Variants in BAHCC1 observed in about 807,000 individuals in gnomAD.
BAHCC1 encodes BAH domain and coiled-coil containing 1, also known as BAH and coiled-coil domain-containing protein 1.
A neutral mutation model predicts 88.2 loss-of-function variants in BAHCC1; 43 were observed. That is an observed-to-expected ratio of 0.49 (90% confidence interval 0.38 to 0.63). The LOEUF is 0.63. BAHCC1 is among the 20% of genes least tolerant of loss of function. BAHCC1 has a pLI of 0.00. For synonymous variants in BAHCC1, 1,510 were observed against 745.5 expected, an observed-to-expected ratio of 2.03 and a Z score of -16.71; for missense variants, 3,023 against 1,654.8, an observed-to-expected ratio of 1.83 and a Z score of -14.34.
chr17:81,465,684 G>A lies in BAHCC1; in HGVS notation c.*1867G>A, dbSNP rs894417973. Reference sequence around the variant, plus strand: ...GTCCCCTTGGCCCCCTATTTTTCTCGGGCCCATTGGGGCCTGTTTCTCACC... The same window carrying A: ...GTCCCCTTGGCCCCCTATTTTTCTCAGGCCCATTGGGGCCTGTTTCTCACC... On this transcript the variant is annotated 3_prime_UTR_variant, in exon 28 of 28. Coordinates refer to ENST00000675386, the MANE Select transcript of BAHCC1 (RefSeq NM_001377448.1). 3 of 152,244 alleles carry A rather than the reference G, an allele frequency of 2.0e-5. No homozygotes were observed. Among genetic ancestry groups the A allele is most frequent in the East Asian group, 1.9e-4 (1 of 5,194 alleles). 9.4% of individuals were successfully genotyped at this position (152,244 alleles called of 1,614,324 possible).
At position 81,460,600 on chromosome 17, in the gene BAHCC1, A is replaced by G. The variant is rs781843595; in HGVS notation, c.6096A>G (p.Ala2032=). Reference sequence around the variant, plus strand: ...GGACCAAGAAGGTATCCAGTGAGGCACCCCCGCCTAGTGAAGCCGCCACCC... The same window carrying G: ...GGACCAAGAAGGTATCCAGTGAGGCGCCCCCGCCTAGTGAAGCCGCCACCC... ...CRRTKKVSSE[A]PPPSEAATPS... The change falls in exon 25 of 28, where the codon GCA becomes GCG. Residue 2032 remains alanine (A), a synonymous_variant. Transcript: ENST00000675386. 1.3e-6 allele frequency: 1 copy of G among 764,884 alleles called. No individual in the cohort carries two copies. The highest frequency in any genetic ancestry group is 1.8e-5 in the Admixed American group (1 of 57,024). 47.4% of individuals were successfully genotyped at this position (764,884 alleles called of 1,614,324 possible). A position where few individuals can be genotyped will look rare whatever the true frequency, so the allele number is the denominator to read the frequency against.
rs2063945843 is a variant in BAHCC1, at chr17:81,411,200, C to T, written c.178+11283C>T. 3.9e-6 allele frequency: 2 copies of T among 517,566 alleles called. No homozygotes were observed. The highest frequency in any genetic ancestry group is 2.8e-5 in the South Asian group (2 of 71,486). 32.1% of individuals were successfully genotyped at this position (517,566 alleles called of 1,614,324 possible). A position where few individuals can be genotyped will look rare whatever the true frequency, so the allele number is the denominator to read the frequency against. ...CCAGGCTGAGGCCGAGGGTCTGCGC[C>T]ACCTGGGCATGCCCAGTGGGGCCCC... On this transcript the variant is annotated intron_variant, in intron 2 of 27. Coordinates refer to ENST00000675386, the MANE Select transcript of BAHCC1 (RefSeq NM_001377448.1). This position sits in a 1 kb window ranked among gnomAD's most constrained non-coding sequence, Gnocchi z 6.2.
chr17:81,426,312 A>T (rs2064197608), intron 2 of BAHCC1, among the ~76,000 whole-genome samples: 1 of 115,396 alleles, frequency 8.7e-6, no homozygotes, highest in Non-Finnish European at 1.8e-5. Flanking sequence ...TGGGGGTGAT[A>T]GTGGTGGGTG....
intron 2 of BAHCC1, chr17:81,422,967 T>G (rs2064132761): frequency 3.5e-6 from 1 of 283,838 alleles, no homozygotes; most frequent in Non-Finnish European, 6.9e-6. Flanking sequence ...AGCCAGCACT[T>G]CCCTTCCCAA....
At chr17:81,413,143 C>T (rs895580266) in intron 2 of BAHCC1, 6 of 444,730 alleles carry the variant, frequency 1.3e-5, no homozygotes, top group East Asian at 1.6e-4. Flanking sequence ...AGCAGCCATA[C>T]GCTCCCCAAC....
chr17:81,438,757 CTGG>C (rs1187196587), intron 4 of BAHCC1, among the ~76,000 whole-genome samples: 1 of 152,200 alleles, frequency 6.6e-6, no homozygotes, highest in Non-Finnish European at 1.5e-5. Flanking sequence ...AGCAGCTGAG[CTGG>C]TGCCCACCTT....
chr17:81,459,991 T>G (rs926316319), intron 23 of BAHCC1, among the ~76,000 whole-genome samples: 1 of 152,028 alleles, frequency 6.6e-6, no homozygotes, highest in Non-Finnish European at 1.5e-5. Context: ...GGGAGGCGCC[T>G]CCAGGCGGGA....
Position 81,459,348 on chromosome 17 carries a change from GC to G in BAHCC1, c.5796+24del. 1 of 774,142 alleles carries G rather than the reference GC, an allele frequency of 1.3e-6. No homozygotes were observed. The allele number at this position is 774,142 out of a possible 1,614,324, so 48.0% of individuals were successfully genotyped here. A position where few individuals can be genotyped will look rare whatever the true frequency, so the allele number is the denominator to read the frequency against. On this transcript the variant is annotated intron_variant, in intron 22 of 27. Coordinates refer to ENST00000675386, the MANE Select transcript of BAHCC1 (RefSeq NM_001377448.1). ...GAAGCGGTGAGGACCGGGCCGGCCCGCCCCGGGGAGGGGCCTGGCTGGCTTG... is the reference window on the plus strand; with the variant it reads ...GAAGCGGTGAGGACCGGGCCGGCCCGCCCGGGGAGGGGCCTGGCTGGCTTG...
intron 3 of BAHCC1, among the ~76,000 whole-genome samples, chr17:81,433,133 G>C (rs74002269): frequency 0.039 from 5,970 of 151,564 alleles, 360 homozygotes; most frequent in African/African-American, 0.13. Flanking sequence ...GCCTGTGGAT[G>C]GGGAAGAGGC....
In BAHCC1 at chr17:81,434,037, G is replaced by A. The variant is rs2064303586; in HGVS notation, c.359-4333G>A. ...GGGACGATGTGCAGAACCTCAAGAGGAGCAGGGACCACTTGCCAGGCCAGG... is the reference window on the plus strand; with the variant it reads ...GGGACGATGTGCAGAACCTCAAGAGAAGCAGGGACCACTTGCCAGGCCAGG... On this transcript the variant is annotated intron_variant, in intron 3 of 27. Transcript: ENST00000675386. The surrounding 1 kb of genome is among the most constrained non-coding windows in gnomAD (Gnocchi z 4.9). Among the ~76,000 whole-genome samples, 1 of 152,212 alleles carries A rather than the reference G, an allele frequency of 6.6e-6. No homozygotes were observed. The highest frequency in any genetic ancestry group is 1.5e-5 in the Non-Finnish European group (1 of 68,026).
chr17:81,411,514 G>T lies in BAHCC1; in HGVS notation c.178+11597G>T, dbSNP rs143324023. 575 of 185,600 alleles carry T rather than the reference G, an allele frequency of 3.1e-3. No individual in the cohort carries two copies. Among genetic ancestry groups the T allele is most frequent in the African/African-American group, 7.4e-3 (141 of 19,182 alleles). 11.5% of individuals were successfully genotyped at this position (185,600 alleles called of 1,614,324 possible). A position where few individuals can be genotyped will look rare whatever the true frequency, so the allele number is the denominator to read the frequency against. The stretch of plus-strand genomic sequence containing the variant: ...TGCCTGCCTGCCTGCCTGCCTGCCT[G>T]CCTTCCTTCCTTCCTTCCTTCCTTC... On this transcript the variant is annotated intron_variant, in intron 2 of 27. Coordinates refer to ENST00000675386, the MANE Select transcript of BAHCC1 (RefSeq NM_001377448.1). This position sits in a 1 kb window ranked among gnomAD's most constrained non-coding sequence, Gnocchi z 6.2.
At chr17:81,412,126 G>A (rs2063962332) in intron 2 of BAHCC1, among the ~76,000 whole-genome samples, 2 of 152,234 alleles carry the variant, frequency 1.3e-5, no homozygotes, top group South Asian at 2.1e-4. Flanking sequence ...CCAGCTCTGT[G>A]GTCCCCCAGG....
At chr17:81,457,286 G>A (rs1555657546) in intron 16 of BAHCC1, 124 bp from the exon 17 acceptor site, 1 of 644,424 alleles carries the variant, frequency 1.6e-6, no homozygotes, top group African/African-American at 1.8e-5. Flanking sequence ...GCGGCCCAGA[G>A]GGTGACGGTG....
chr17:81,417,712 G>C (rs1555648981), intron 2 of BAHCC1, among the ~76,000 whole-genome samples: 1 of 152,200 alleles, frequency 6.6e-6, no homozygotes, highest in Non-Finnish European at 1.5e-5. Flanking sequence ...GATTGGGTTG[G>C]GTACACAGCA....
At position 81,426,924 on chromosome 17, in the gene BAHCC1, C is replaced by T. The variant is rs969061996; in HGVS notation, c.303C>T (p.Ala101=). ...CCAGCTCCTCCCCCCCTGAGCAGGC[C>T]TACCGTGGCTCCCACCCCACCACCT... The part of the protein sequence containing the change: ...SGPSSSPPEQ[A]YRGSHPTTSQ... Residue 101 remains alanine (A), a synonymous_variant, in exon 3 of 28, where the codon GCC becomes GCT. Transcript: ENST00000675386. The T allele has an allele frequency of 5.0e-6, 2 of 398,808 alleles. No individual in the cohort carries two copies. Among genetic ancestry groups the T allele is most frequent in the Non-Finnish European group, 4.4e-6 (1 of 226,200 alleles). The allele number at this position is 398,808 out of a possible 1,614,324, so 24.7% of individuals were successfully genotyped here.
In BAHCC1 at chr17:81,465,241, C is replaced by T. The variant is rs1568042929; in HGVS notation, c.*1424C>T. The T allele has an allele frequency of 2.0e-5, 3 of 152,308 alleles. No individual in the cohort carries two copies. Among genetic ancestry groups the T allele is most frequent in the African/African-American group, 7.2e-5 (3 of 41,448 alleles). The allele number at this position is 152,308 out of a possible 1,614,324, so 9.4% of individuals were successfully genotyped here. A position where few individuals can be genotyped will look rare whatever the true frequency, so the allele number is the denominator to read the frequency against. On this transcript the variant is annotated 3_prime_UTR_variant, in exon 28 of 28. Transcript: ENST00000675386. ...CGGACCCCTCTGCCTGCCCCAACCCCTTTGGAGGTTTCTCGGCCTTTTCTG... is the reference window on the plus strand; with the variant it reads ...CGGACCCCTCTGCCTGCCCCAACCCTTTTGGAGGTTTCTCGGCCTTTTCTG...
intron 14 of BAHCC1, among the ~76,000 whole-genome samples, chr17:81,454,646 C>T (rs2064712014): frequency 6.6e-6 from 1 of 151,754 alleles, no homozygotes; most frequent in African/African-American, 2.4e-5. Context: ...TCTCACAAAC[C>T]TGCCCGGTGC....
rs1555651485 is a variant in BAHCC1, at chr17:81,434,814, G to A, written c.359-3556G>A. On this transcript the variant is annotated intron_variant, in intron 3 of 27. Coordinates refer to ENST00000675386, the MANE Select transcript of BAHCC1 (RefSeq NM_001377448.1). This position sits in a 1 kb window ranked among gnomAD's most constrained non-coding sequence, Gnocchi z 4.9. Reference sequence around the variant, plus strand: ...AAGGCGCAGGGCTGGCCTGGAGAGGGCAGGGCCTCGACGTGCGGGGCTGTT... The same window carrying A: ...AAGGCGCAGGGCTGGCCTGGAGAGGACAGGGCCTCGACGTGCGGGGCTGTT... Among the ~76,000 whole-genome samples the A allele has an allele frequency of 1.3e-5, 2 of 152,064 alleles. No homozygotes were observed. The highest frequency in any genetic ancestry group is 2.9e-5 in the Non-Finnish European group (2 of 67,972).
intron 2 of BAHCC1, among the ~76,000 whole-genome samples, chr17:81,403,481 C>CA (rs61540149): frequency 3.2e-4 from 45 of 141,828 alleles, no homozygotes; most frequent in African/African-American, 1.1e-3. Context: ...CCGCCAATCT[C>CA]AAAAAAAAAA....
Sources: gnomAD v4.1 joint callset for allele counts (sites outside exome capture counted in the v4.1 genomes callset) on GRCh38, gnomAD v4.1.1 for gene constraint, Gnocchi (gnomAD v3.1) non-coding constraint, MANE v1.5 for transcripts, NCBI Gene and HGNC (gene_info 2026-07-23, HGNC 2026-07-21) for gene names.